Variants in CCDC146 observed in about 807,000 individuals in gnomAD.
CCDC146 encodes coiled-coil domain-containing protein 146.
CCDC146 carries 92 observed loss-of-function variants against 119.3 expected under a neutral mutation model. That is an observed-to-expected ratio of 0.77 (90% confidence interval 0.65 to 0.92). The LOEUF is 0.92. Ranked by LOEUF, CCDC146 falls within the 40% of genes least tolerant of loss-of-function variation. The pLI, the probability that CCDC146 is intolerant of heterozygous loss-of-function variation, is 0.00. For synonymous variants in CCDC146, 372 were observed against 371.8 expected, an observed-to-expected ratio of 1.00 and a Z score of -0.01; for missense variants, 1,000 against 1,103.0, an observed-to-expected ratio of 0.91 and a Z score of 1.32.
At chr7:77,286,193 C>G (rs767367230) in intron 15 of CCDC146, among the ~76,000 whole-genome samples, 5 of 152,128 alleles carry the variant, frequency 3.3e-5, no homozygotes, top group Non-Finnish European at 5.9e-5. Flanking sequence ...TGGTGGAAAG[C>G]AAAGGGGGCG....
intron 2 of CCDC146, among the ~76,000 whole-genome samples, chr7:77,192,945 TAAAA>T (rs958388887): frequency 1.3e-5 from 2 of 149,986 alleles, no homozygotes; most frequent in South Asian, 2.1e-4. Flanking sequence ...AATAAAATAA[TAAAA>T]AAAAAGAAAA....
At chr7:77,271,513 G>GATAGATAT (rs1793515424) in intron 9 of CCDC146, among the ~76,000 whole-genome samples, 1 of 71,380 alleles carries the variant, frequency 1.4e-5, no homozygotes, top group African/African-American at 5.3e-5. Context: ...ACTAATAGGA[G>GATAGATAT]ATATATATAT....
chr7:77,163,574 A>G (rs1471087170), intron 1 of CCDC146, among the ~76,000 whole-genome samples: 1 of 152,202 alleles, frequency 6.6e-6, no homozygotes, highest in Non-Finnish European at 1.5e-5. Context: ...TGAGTAACCT[A>G]TGGTGCATCT....
chr7:77,196,963 A>G lies in CCDC146; in HGVS notation c.156+29139A>G. The G allele has an allele frequency of 6.2e-7, 1 of 1,606,344 alleles. No homozygotes were observed. Among genetic ancestry groups the G allele is most frequent in the Non-Finnish European group, 8.5e-7 (1 of 1,176,064 alleles). On this transcript the variant is annotated intron_variant, in intron 2 of 18. Coordinates refer to ENST00000285871, the MANE Select transcript of CCDC146 (RefSeq NM_020879.3). The surrounding 1 kb of genome is among the most constrained non-coding windows in gnomAD (Gnocchi z 4.2). The stretch of plus-strand genomic sequence containing the variant: ...TGCCTATTGCGTAGTAGTCAGAGCA[A>G]TCTTTATATATTAGATGTTGAACTG...
chr7:77,140,853 A>T (rs1486954625), intron 1 of CCDC146, among the ~76,000 whole-genome samples: 3 of 152,150 alleles, frequency 2.0e-5, no homozygotes, highest in Non-Finnish European at 4.4e-5. Context: ...TATCGATATC[A>T]CATTGATATA....
At chr7:77,253,281 T>C (rs1485279064) in intron 4 of CCDC146, among the ~76,000 whole-genome samples, 1 of 152,256 alleles carries the variant, frequency 6.6e-6, no homozygotes, top group Non-Finnish European at 1.5e-5. Context: ...CTATCACATC[T>C]GGATCTCTGT....
intron 11 of CCDC146, among the ~76,000 whole-genome samples, chr7:77,277,031 C>T (rs962052526): frequency 1.3e-5 from 2 of 152,084 alleles, no homozygotes; most frequent in African/African-American, 4.8e-5. Flanking sequence ...GAGATTGCGC[C>T]ACTGCACTCC....
intron 5 of CCDC146, among the ~76,000 whole-genome samples, chr7:77,255,164 C>A (rs1489441607): frequency 1.3e-5 from 2 of 152,176 alleles, no homozygotes; most frequent in African/African-American, 4.8e-5. Flanking sequence ...CAATAAAGAG[C>A]AAACTCCAAT....
At chr7:77,292,177 C>G (rs112606876) in intron 17 of CCDC146, among the ~76,000 whole-genome samples, 12,906 of 152,094 alleles carry the variant, frequency 0.085, 695 homozygotes, top group Non-Finnish European at 0.11. Context: ...GGCTATAGTC[C>G]TATCTACTTA....
intron 1 of CCDC146, among the ~76,000 whole-genome samples, chr7:77,148,435 G>A (rs941150302): frequency 1.3e-5 from 2 of 152,016 alleles, no homozygotes; most frequent in East Asian, 1.9e-4. Context: ...ACTGTTCAAC[G>A]AGCCCCAGTG....
At chr7:77,254,757 T>C (rs991201793) in intron 5 of CCDC146, among the ~76,000 whole-genome samples, 194 bp downstream of exon 5, 1 of 152,334 alleles carries the variant, frequency 6.6e-6, no homozygotes, top group East Asian at 1.9e-4. Context: ...TTATAGACTT[T>C]AGCAACTTGG....
intron 11 of CCDC146, among the ~76,000 whole-genome samples, chr7:77,277,613 A>C (rs1041328935): frequency 6.6e-6 from 1 of 152,184 alleles, no homozygotes; most frequent in Non-Finnish European, 1.5e-5. Flanking sequence ...CAATGTCACT[A>C]TCACCCCTAA....
In CCDC146 at chr7:77,260,236, GGTTA is replaced by G; in HGVS notation, c.986+5_986+8del. ...AATGAAGCAACTTCATTAACTGAAA[GGTTA>G]GTTATATTTATGTATGTTATGTTCT... is the stretch of plus-strand genomic sequence containing the variant. On this transcript the variant is annotated splice_donor_variant and splice_donor_region_variant and intron_variant, in intron 8 of 18. Transcript: ENST00000285871. LOFTEE classifies it high-confidence loss of function. 1 of 1,603,606 alleles carries G rather than the reference GGTTA, an allele frequency of 6.2e-7. No individual in the cohort carries two copies. Among genetic ancestry groups the G allele is most frequent in the Non-Finnish European group, 8.5e-7 (1 of 1,174,030 alleles).
intron 2 of CCDC146, among the ~76,000 whole-genome samples, chr7:77,189,914 T>C (rs1176868278): frequency 6.6e-6 from 1 of 152,210 alleles, no homozygotes; most frequent in Non-Finnish European, 1.5e-5. Flanking sequence ...CCTTTTCTAC[T>C]ACTCCCTTAC....
At chr7:77,215,543 C>A (rs1792287242) in intron 2 of CCDC146, among the ~76,000 whole-genome samples, 1 of 151,906 alleles carries the variant, frequency 6.6e-6, no homozygotes, top group Admixed American at 6.6e-5. Context: ...TGTTTCTATG[C>A]CTTTTTAATG....
intron 2 of CCDC146, among the ~76,000 whole-genome samples, chr7:77,173,827 AG>A (rs1280981881): frequency 6.6e-6 from 1 of 152,140 alleles, no homozygotes; most frequent in Non-Finnish European, 1.5e-5. Context: ...TTTTTATTTA[AG>A]GTATAACATA....
At chr7:77,161,867 TG>T (rs200151783) in intron 1 of CCDC146, among the ~76,000 whole-genome samples, 19,122 of 152,216 alleles carry the variant, frequency 0.13, 1,788 homozygotes, top group Non-Finnish European at 0.18. Context: ...GACATCTTAT[TG>T]TGGTTTTGAT....
intron 5 of CCDC146, among the ~76,000 whole-genome samples, chr7:77,254,800 A>G (rs1793146904): frequency 1.3e-5 from 2 of 152,184 alleles, no homozygotes; most frequent in Admixed American, 1.3e-4. Flanking sequence ...GTTGGACAAT[A>G]TCTGCTTTGT....
intron 1 of CCDC146, among the ~76,000 whole-genome samples, chr7:77,162,706 T>C (rs1791280821): frequency 6.6e-6 from 1 of 152,114 alleles, no homozygotes; most frequent in Non-Finnish European, 1.5e-5. Flanking sequence ...AGGGATTGCA[T>C]TGAACCTGTA....
Sources: gnomAD v4.1 joint callset for allele counts (sites outside exome capture counted in the v4.1 genomes callset) on GRCh38, gnomAD v4.1.1 for gene constraint, Gnocchi (gnomAD v3.1) non-coding constraint, MANE v1.5 for transcripts, NCBI Gene and HGNC (gene_info 2026-07-23, HGNC 2026-07-21) for gene names.